Variants in NR3C2 observed in about 807,000 individuals in gnomAD.
The protein encoded by NR3C2 is nuclear receptor subfamily 3 group C member 2, also known as mineralocorticoid receptor.
In NR3C2, 15 loss-of-function variants were observed where a neutral mutation model predicts 86.4. That is an observed-to-expected ratio of 0.17 (90% CI 0.12 to 0.27). NR3C2 has a LOEUF of 0.27. Among genes scored for constraint, NR3C2 ranks in the 10% least tolerant of loss-of-function variants. The pLI is 1.00. For synonymous variants in NR3C2, 458 were observed against 450.5 expected, an observed-to-expected ratio of 1.02 and a Z score of -0.21; for missense variants, 960 against 1,195.6, an observed-to-expected ratio of 0.80 and a Z score of 2.91.
At chr4:148,385,080 A>T (rs568526812) in intron 2 of NR3C2, among the ~76,000 whole-genome samples, 4 of 152,338 alleles carry the variant, frequency 2.6e-5, no homozygotes, top group African/African-American at 9.6e-5. Context: ...AATGCATATG[A>T]CATGAGCTCA....
intron 8 of NR3C2, among the ~76,000 whole-genome samples, chr4:148,091,181 A>ATGAC (rs1169709027): frequency 6.6e-6 from 1 of 152,242 alleles, no homozygotes; most frequent in Non-Finnish European, 1.5e-5. Context: ...ATCCTGAGCC[A>ATGAC]TGACTGCAGT....
chr4:148,311,154 C>T (rs983404119), intron 2 of NR3C2, among the ~76,000 whole-genome samples: 3 of 152,160 alleles, frequency 2.0e-5, no homozygotes, highest in Admixed American at 2.0e-4. Context: ...TCCTTATCTT[C>T]CCAGTGGGTT....
chr4:148,224,899 A>G (rs774479875), intron 3 of NR3C2, among the ~76,000 whole-genome samples: 1 of 152,194 alleles, frequency 6.6e-6, no homozygotes, highest in Non-Finnish European at 1.5e-5. Context: ...CATCCAGAAA[A>G]AACTCCTGGA....
At chr4:148,091,414 G>A (rs1405551578) in intron 8 of NR3C2, among the ~76,000 whole-genome samples, 1 of 152,246 alleles carries the variant, frequency 6.6e-6, no homozygotes, top group Non-Finnish European at 1.5e-5. Context: ...AAGGTAGGGA[G>A]GCGCCACAGT....
At chr4:148,289,674 G>A (rs958847365) in intron 2 of NR3C2, among the ~76,000 whole-genome samples, 1 of 152,118 alleles carries the variant, frequency 6.6e-6, no homozygotes, top group Non-Finnish European at 1.5e-5. Context: ...GGGTTGGGCC[G>A]AGAGATTCAT....
chr4:148,220,468 GT>G (rs1164072121), intron 3 of NR3C2, among the ~76,000 whole-genome samples: 2 of 152,180 alleles, frequency 1.3e-5, no homozygotes, highest in Non-Finnish European at 2.9e-5. Context: ...GAAACCATAA[GT>G]TAAGGAAATA....
At chr4:148,131,893 T>G (rs1733059413) in intron 6 of NR3C2, among the ~76,000 whole-genome samples, 1 of 152,218 alleles carries the variant, frequency 6.6e-6, no homozygotes. Flanking sequence ...CTGACTTTAA[T>G]TCATGATACA....
intron 3 of NR3C2, among the ~76,000 whole-genome samples, chr4:148,245,814 A>G (rs761896275): frequency 4.6e-5 from 7 of 152,242 alleles, no homozygotes; most frequent in Admixed American, 1.3e-4. Flanking sequence ...GTATGTAGAA[A>G]GAATTTCATT....
intron 2 of NR3C2, among the ~76,000 whole-genome samples, chr4:148,316,626 G>A (rs1435958747): frequency 6.6e-6 from 1 of 152,040 alleles, no homozygotes; most frequent in African/African-American, 2.4e-5. Flanking sequence ...TTTATAATTA[G>A]CCAAAATTAT....
intron 2 of NR3C2, among the ~76,000 whole-genome samples, chr4:148,407,438 T>C (rs1280573269): frequency 6.6e-6 from 1 of 152,218 alleles, no homozygotes; most frequent in African/African-American, 2.4e-5. Flanking sequence ...AAAATAATTT[T>C]ATCATGCTTC....
At chr4:148,113,557 T>C (rs1403956078) in intron 8 of NR3C2, among the ~76,000 whole-genome samples, 1 of 152,204 alleles carries the variant, frequency 6.6e-6, no homozygotes, top group Non-Finnish European at 1.5e-5. Flanking sequence ...CTCTTGCTGC[T>C]TTCTATCAGA....
In NR3C2 at chr4:148,379,068, T is replaced by C. The variant is rs578042763; in HGVS notation, c.1757+56036A>G. Reference sequence around the variant, plus strand: ...GAGCATACAATATGATACATGAAGATTAAAAACTAGAAGACAACACTAACA... The same window carrying C: ...GAGCATACAATATGATACATGAAGACTAAAAACTAGAAGACAACACTAACA... On this transcript the variant is annotated intron_variant, in intron 2 of 8. Transcript: ENST00000358102. Among the ~76,000 whole-genome samples the C allele has an allele frequency of 2.0e-5, 3 of 152,128 alleles. No homozygotes were observed. The East Asian group carries it at 5.8e-4, about 29-fold the overall frequency.
At chr4:148,184,116 TACTG>T (rs1159550274) in intron 4 of NR3C2, among the ~76,000 whole-genome samples, 2 of 152,078 alleles carry the variant, frequency 1.3e-5, no homozygotes, top group Non-Finnish European at 2.9e-5. Flanking sequence ...TGTTTTAAGT[TACTG>T]ACTGAGTTAA....
Position 148,436,659 on chromosome 4 carries a change from G to C in NR3C2, c.202C>G (p.Gln68Glu). ...NSTQGSSKEK[Q>E]ELLPCLQQDN... ...TGCTGAAGGCAAGGGAGTAGTTCTTGTTTTTCTTTGCTGCTTCCTTGAGTA... is the reference window on the plus strand; with the variant it reads ...TGCTGAAGGCAAGGGAGTAGTTCTTCTTTTTCTTTGCTGCTTCCTTGAGTA... The change falls in exon 2 of 9, where the codon CAA becomes GAA. Residue 68 changes from glutamine to glutamate, a missense_variant. Gln to Glu is a conservative substitution (Grantham distance 29, BLOSUM62 2). Around this residue, in one of 4 missense-constraint regions of NR3C2, gnomAD observed 680 missense variants for 719.0 expected, o/e 0.95. Transcript: ENST00000358102. The C allele has an allele frequency of 1.2e-6, 2 of 1,614,162 alleles. No individual in the cohort carries two copies. Among genetic ancestry groups the C allele is most frequent in the Admixed American group, 1.7e-5 (1 of 60,022 alleles).
chr4:148,178,444 A>C (rs1405665832), intron 4 of NR3C2, among the ~76,000 whole-genome samples: 1 of 151,818 alleles, frequency 6.6e-6, no homozygotes, highest in Non-Finnish European at 1.5e-5. Flanking sequence ...GATAACATAA[A>C]ATACGTAAAT....
chr4:148,344,429 G>T (rs1335615125), intron 2 of NR3C2, among the ~76,000 whole-genome samples: 1 of 152,090 alleles, frequency 6.6e-6, no homozygotes, highest in African/African-American at 2.4e-5. Flanking sequence ...AACTCCACTG[G>T]GAGCTACATA....
intron 2 of NR3C2, among the ~76,000 whole-genome samples, chr4:148,359,801 C>T (rs944255931): frequency 3.3e-5 from 5 of 152,104 alleles, no homozygotes; most frequent in African/African-American, 1.2e-4. Context: ...AACCTCCAAG[C>T]TGATAATTTA....
chr4:148,112,586 A>C (rs949253870), intron 8 of NR3C2, among the ~76,000 whole-genome samples: 1 of 152,192 alleles, frequency 6.6e-6, no homozygotes. Flanking sequence ...CTTATTTCTA[A>C]GATTTTCCAC....
intron 4 of NR3C2, among the ~76,000 whole-genome samples, chr4:148,167,991 G>A (rs970948713): frequency 1.3e-5 from 2 of 152,204 alleles, no homozygotes; most frequent in Non-Finnish European, 2.9e-5. Flanking sequence ...TCTCTGGCTG[G>A]GCAGCAAACA....
Sources: gnomAD v4.1 joint callset for allele counts (sites outside exome capture counted in the v4.1 genomes callset) on GRCh38, gnomAD v4.1.1 for gene constraint, gnomAD v4.1.1 regional missense constraint, MANE v1.5 for transcripts, NCBI Gene and HGNC (gene_info 2026-07-23, HGNC 2026-07-21) for gene names.